R3HDM1: variants seen among roughly 807,000 people sequenced by gnomAD.
R3HDM1 encodes R3H domain-containing protein 1.
Under a neutral mutation model 141.1 loss-of-function variants are expected in R3HDM1, and 46 were observed. The ratio of observed to expected loss-of-function variants is 0.33; its 90% CI spans 0.26 to 0.42. The LOEUF is 0.42. Among genes scored for constraint, R3HDM1 ranks in the 10% least tolerant of loss-of-function variants. The pLI is 1.00. For missense variants in R3HDM1, 1,184 were observed against 1,368.3 expected (o/e 0.87, Z 2.12); for synonymous variants, 435 against 472.9 (o/e 0.92, Z 1.04).
chr2:135,539,871 T>A (rs546562403), intron 1 of R3HDM1, among the ~76,000 whole-genome samples: 1 of 152,276 alleles, frequency 6.6e-6, no homozygotes, highest in Non-Finnish European at 1.5e-5. Context: ...TTGCTGAAGG[T>A]TGGAGTGGCT....
intron 20 of R3HDM1, among the ~76,000 whole-genome samples, chr2:135,678,151 G>T (rs1451627168): frequency 7.2e-5 from 11 of 151,882 alleles, no homozygotes. Flanking sequence ...TTTTAGTAGA[G>T]ACGGTGTTTC....
intron 24 of R3HDM1, among the ~76,000 whole-genome samples, chr2:135,718,283 T>C (rs1575248088): frequency 1.3e-5 from 2 of 152,170 alleles, no homozygotes; most frequent in African/African-American, 4.8e-5. Context: ...CTTTTACAGT[T>C]GTTAGAATTC....
intron 17 of R3HDM1, chr2:135,650,799 A>G (rs2065071759): frequency 1.0e-6 from 1 of 984,068 alleles, no homozygotes; most frequent in Non-Finnish European, 1.2e-6. Context: ...ACTTTGGAAA[A>G]TCCAGCAGAT....
chr2:135,609,999 G>T (rs911321183), intron 3 of R3HDM1, among the ~76,000 whole-genome samples: 2 of 151,824 alleles, frequency 1.3e-5, no homozygotes, highest in African/African-American at 4.8e-5. Context: ...AGCTGAAACC[G>T]TGCCACTCTA....
chr2:135,641,455 T>G, intron 14 of R3HDM1, 81 bp from the exon 15 acceptor site: 1 of 1,426,364 alleles, frequency 7.0e-7, no homozygotes, highest in Non-Finnish European at 9.5e-7. Flanking sequence ...TTATGCAATG[T>G]AAATTTTATT....
chr2:135,689,787 A>T (rs1191593494), intron 21 of R3HDM1, among the ~76,000 whole-genome samples: 1 of 152,204 alleles, frequency 6.6e-6, no homozygotes, highest in East Asian at 1.9e-4. Context: ...ACAACAACTC[A>T]TGAGATTTTT....
intron 7 of R3HDM1, among the ~76,000 whole-genome samples, chr2:135,625,728 C>CTCCTCAACAA (rs1389766202): frequency 6.6e-6 from 1 of 151,996 alleles, no homozygotes; most frequent in African/African-American, 2.4e-5. Flanking sequence ...GAAGGTCAGT[C>CTCCTCAACAA]TCCTCAACAA....
At chr2:135,615,787 C>T (rs1484631532) in intron 3 of R3HDM1, among the ~76,000 whole-genome samples, 1 of 152,108 alleles carries the variant, frequency 6.6e-6, no homozygotes, top group Admixed American at 6.5e-5. Context: ...TGTTCTTTTT[C>T]CTTAACCTTG....
Position 135,631,746 on chromosome 2 carries a change from C to G in R3HDM1, c.526C>G (p.Gln176Glu). ...RDRMMLLKLE[Q>E]EILDFIGNNE... ...CAGAATGATGCTGCTGAAATTGGAA[C>G]AAGAAATTTTAGATTTCATTGGTAA... The change falls in exon 8 of 27, where the codon CAA becomes GAA. Residue 176 changes from glutamine to glutamate, a missense_variant. By Grantham distance (29) the Gln-to-Glu change is conservative. Around this residue, in one of 5 missense-constraint regions of R3HDM1, gnomAD observed 192 missense variants for 215.7 expected, o/e 0.89. Coordinates refer to ENST00000683871, the MANE Select transcript of R3HDM1 (RefSeq NM_001378107.1). 1 of 1,569,250 alleles carries G rather than the reference C, an allele frequency of 6.4e-7. No individual in the cohort carries two copies.
intron 18 of R3HDM1, 55 bp downstream of exon 18, chr2:135,652,087 T>C: frequency 7.3e-6 from 11 of 1,502,618 alleles, no homozygotes; most frequent in Non-Finnish European, 9.8e-6. Flanking sequence ...TTAAGATCAG[T>C]TTTAACTTCA....
At chr2:135,662,886 T>C (rs1381842602) in intron 19 of R3HDM1, among the ~76,000 whole-genome samples, 1 of 152,208 alleles carries the variant, frequency 6.6e-6, no homozygotes, top group Non-Finnish European at 1.5e-5. Flanking sequence ...CTGTAGCTGA[T>C]GCCATAATAA....
At chr2:135,682,825 C>G (rs2070567344) in intron 21 of R3HDM1, among the ~76,000 whole-genome samples, 1 of 151,622 alleles carries the variant, frequency 6.6e-6, no homozygotes. Flanking sequence ...GGTGAAACCT[C>G]AACTCTACTA....
At chr2:135,567,265 A>G (rs1369351468) in intron 1 of R3HDM1, among the ~76,000 whole-genome samples, 3 of 152,198 alleles carry the variant, frequency 2.0e-5, no homozygotes, top group Admixed American at 6.5e-5. Flanking sequence ...TTAGAGCCCA[A>G]TATAATTAAT....
At chr2:135,533,987 G>T in intron 1 of R3HDM1, 1 of 985,112 alleles carries the variant, frequency 1.0e-6, no homozygotes, top group Non-Finnish European at 1.2e-6. Context: ...TTTAGAGAAT[G>T]GGTTTGTTGT....
At chr2:135,711,525 T>C (rs940762905) in intron 23 of R3HDM1, among the ~76,000 whole-genome samples, 1 of 151,302 alleles carries the variant, frequency 6.6e-6, no homozygotes, top group African/African-American at 2.4e-5. Flanking sequence ...TATTCGGCCA[T>C]GGCAGTGTGC....
chr2:135,711,406 G>T lies in R3HDM1; in HGVS notation c.2736+1175G>T, dbSNP rs367749605. ...TTTAAGGCCAGGCGCAGTGGCTCAT[G>T]CCTGTAATCCCAGCACTTTGGGAAG... On this transcript the variant is annotated intron_variant, in intron 23 of 26. Transcript: ENST00000683871. Among the ~76,000 whole-genome samples the T allele has an allele frequency of 3.3e-5, 5 of 152,202 alleles. No individual in the cohort carries two copies. The East Asian group carries it at 9.6e-4, about 29-fold the overall frequency.
At chr2:135,723,778 CAAAAAAAAA>C (rs541423067) in intron 26 of R3HDM1, among the ~76,000 whole-genome samples, 150 bp from the exon 27 acceptor site, 56 of 55,306 alleles carry the variant, frequency 1.0e-3, no homozygotes, top group East Asian at 3.8e-3. Context: ...CTCCATCTCC[CAAAAAAAAA>C]AAAAAAAAAA....
intron 18 of R3HDM1, among the ~76,000 whole-genome samples, chr2:135,653,481 T>C (rs1042830826): frequency 6.6e-6 from 1 of 152,204 alleles, no homozygotes; most frequent in African/African-American, 2.4e-5. Context: ...TGCAAATTTC[T>C]AAGCACCATT....
At chr2:135,607,325 C>A in intron 3 of R3HDM1, 3 of 985,274 alleles carry the variant, frequency 3.0e-6, no homozygotes, top group South Asian at 9.4e-5. Flanking sequence ...TTCTTTTGTT[C>A]AGTCAAAAAC....
Sources: allele counts gnomAD v4.1 joint callset (sites outside exome capture counted in the v4.1 genomes callset), GRCh38; gene constraint gnomAD v4.1.1; regional missense constraint gnomAD v4.1.1; transcripts MANE v1.5; gene names NCBI Gene and HGNC (gene_info 2026-07-23, HGNC 2026-07-21).